SLC24A4: variants seen among roughly 807,000 people sequenced by gnomAD.
SLC24A4 encodes the protein solute carrier family 24 member 4.
In SLC24A4, 53 loss-of-function variants were observed where a neutral mutation model predicts 79.0. That is an observed-to-expected ratio of 0.67 (90% CI 0.54 to 0.84). The LOEUF (loss-of-function observed/expected upper bound fraction) is 0.84. Among genes scored for constraint, SLC24A4 ranks in the 40% least tolerant of loss-of-function variants. The pLI, the probability that SLC24A4 is intolerant of heterozygous loss-of-function variation, is 0.00. For synonymous variants in SLC24A4, 323 were observed against 323.8 expected, an observed-to-expected ratio of 1.00 and a Z score of 0.03; for missense variants, 731 against 822.0, an observed-to-expected ratio of 0.89 and a Z score of 1.35.
Position 92,456,593 on chromosome 14 carries a change from C to T in SLC24A4, c.1240C>T (p.Pro414Ser), listed in dbSNP as rs768431791. ...GCCGGTGGAGGCTGACTTCCTGTCC[C>T]CCTTCTCCGTGCCGGGTGAGTTCTG... ...PEPVEADFLS[P>S]FSVPEARGDK... is the part of the protein sequence containing the mutation. Residue 414 changes from proline (P) to serine (S), a missense_variant, in exon 12 of 17, where the codon CCC (proline) becomes TCC (serine). Transcript: ENST00000532405. 4 of 1,613,420 alleles carry T rather than the reference C, an allele frequency of 2.5e-6. No individual in the cohort carries two copies. Among genetic ancestry groups the T allele is most frequent in the African/African-American group, 2.7e-5 (2 of 74,914 alleles).
intron 14 of SLC24A4, among the ~76,000 whole-genome samples, chr14:92,488,022 C>A (rs1216906529): frequency 6.9e-6 from 1 of 144,076 alleles, no homozygotes; most frequent in Non-Finnish European, 1.5e-5. Flanking sequence ...TTTCCTCCTC[C>A]TCCCCTTCCT....
At chr14:92,455,003 C>CT (rs79633203) in intron 11 of SLC24A4, among the ~76,000 whole-genome samples, 10,371 of 152,178 alleles carry the variant, frequency 0.068, 467 homozygotes, top group East Asian at 0.14. Context: ...TTTATAGTAT[C>CT]TTTTTCATGG....
intron 2 of SLC24A4, among the ~76,000 whole-genome samples, chr14:92,412,911 T>G (rs896585782): frequency 2.0e-5 from 3 of 152,188 alleles, no homozygotes; most frequent in Admixed American, 6.6e-5. Flanking sequence ...TGGACAAAGT[T>G]AAAAAGGAAT....
intron 4 of SLC24A4, among the ~76,000 whole-genome samples, chr14:92,439,658 C>T (rs1320715583): frequency 6.6e-6 from 1 of 152,270 alleles, no homozygotes; most frequent in Non-Finnish European, 1.5e-5. Context: ...CCCAGAACCA[C>T]TGGGTCCACA....
chr14:92,410,343 C>T (rs4904899), intron 2 of SLC24A4, among the ~76,000 whole-genome samples: 78,169 of 151,964 alleles, frequency 0.51, 20,993 homozygotes, highest in East Asian at 0.78. Context: ...CCATGCCTGA[C>T]TAATTTTTAA....
At chr14:92,400,247 A>C (rs112700303) in intron 2 of SLC24A4, among the ~76,000 whole-genome samples, 4 of 151,930 alleles carry the variant, frequency 2.6e-5, no homozygotes, top group Non-Finnish European at 4.4e-5. Context: ...GAGAACATCC[A>C]GGCCAACATG....
chr14:92,477,713 C>G (rs1035738741), intron 12 of SLC24A4, among the ~76,000 whole-genome samples: 6 of 152,170 alleles, frequency 3.9e-5, no homozygotes, highest in African/African-American at 9.6e-5. Context: ...CCTTGGCCTC[C>G]CAAAGTGCAG....
At chr14:92,484,938 C>T (rs1595360005) in intron 13 of SLC24A4, 11 of 951,446 alleles carry the variant, frequency 1.2e-5, no homozygotes, top group African/African-American at 3.5e-5. Flanking sequence ...CTTCTTGTGT[C>T]GAGTTAGTGT....
In SLC24A4 at chr14:92,323,633, GGCC is replaced by G; in HGVS notation, c.-195_-193del. Reference sequence around the variant, plus strand: ...CGCGGCGCGCGGGACTCTGAGCTCCGGCCGCGTCGCGCGTCCCCACCTTCCCAA... The same window carrying G: ...CGCGGCGCGCGGGACTCTGAGCTCCGGCGTCGCGCGTCCCCACCTTCCCAA... On this transcript the variant is annotated 5_prime_UTR_variant, in exon 1 of 17. Coordinates refer to ENST00000532405, the MANE Select transcript of SLC24A4 (RefSeq NM_153646.4). The surrounding 1 kb of genome is among the most constrained non-coding windows in gnomAD (Gnocchi z 4.9). 1 of 545,068 alleles carries G rather than the reference GGCC, an allele frequency of 1.8e-6. No individual in the cohort carries two copies. Among genetic ancestry groups the G allele is most frequent in the East Asian group, 3.6e-5 (1 of 27,748 alleles). 33.8% of individuals were successfully genotyped at this position (545,068 alleles called of 1,614,324 possible). A position where few individuals can be genotyped will look rare whatever the true frequency, so the allele number is the denominator to read the frequency against.
At chr14:92,392,532 C>G (rs1393851341) in intron 2 of SLC24A4, among the ~76,000 whole-genome samples, 1 of 152,034 alleles carries the variant, frequency 6.6e-6, no homozygotes, top group African/African-American at 2.4e-5. Context: ...TAGAATCAGC[C>G]TTGTTTCTGA....
At chr14:92,360,059 T>C (rs1453006259) in intron 2 of SLC24A4, among the ~76,000 whole-genome samples, 11 of 152,084 alleles carry the variant, frequency 7.2e-5, no homozygotes, top group African/African-American at 2.4e-5. Context: ...GCTAAGATTA[T>C]AGGTGTGCAC....
chr14:92,478,656 T>A (rs1425111509), intron 12 of SLC24A4, among the ~76,000 whole-genome samples: 4 of 152,070 alleles, frequency 2.6e-5, no homozygotes, highest in Non-Finnish European at 4.4e-5. Context: ...TTGTTTTGTT[T>A]TTTTTTCCAA....
At chr14:92,456,726 G>A in intron 12 of SLC24A4, 118 bp downstream of exon 12, 1 of 1,034,068 alleles carries the variant, frequency 9.7e-7, no homozygotes, top group Admixed American at 2.2e-5. Context: ...CTGGTGCAAA[G>A]GGTCGATATT....
intron 2 of SLC24A4, among the ~76,000 whole-genome samples, chr14:92,358,424 G>A (rs1595159614): frequency 6.6e-6 from 1 of 152,074 alleles, no homozygotes; most frequent in East Asian, 1.9e-4. Context: ...TGAACTACAC[G>A]CCATCTGTAG....
chr14:92,377,962 C>G (rs1023900348), intron 2 of SLC24A4, among the ~76,000 whole-genome samples: 4 of 150,012 alleles, frequency 2.7e-5, no homozygotes, highest in African/African-American at 9.9e-5. Context: ...CGATGAAGGT[C>G]TGGGGGTGGG....
intron 2 of SLC24A4, among the ~76,000 whole-genome samples, chr14:92,388,500 A>G (rs1029623941): frequency 3.9e-5 from 6 of 152,202 alleles, no homozygotes; most frequent in Admixed American, 3.3e-4. Context: ...GAAGACCCAC[A>G]GGCGTTGACA....
intron 2 of SLC24A4, among the ~76,000 whole-genome samples, chr14:92,399,377 C>CT (rs1263909261): frequency 5.9e-5 from 9 of 152,078 alleles, no homozygotes; most frequent in Admixed American, 2.0e-4. Context: ...TCAGATTTTT[C>CT]TTTTTTTCCA....
rs1206912838 is a variant in SLC24A4, at chr14:92,441,060, GCCCCCACCC to G, written c.394-1027_394-1019del. 6.6e-6 allele frequency among the ~76,000 whole-genome samples: 1 copy of G among 152,100 alleles called. No individual in the cohort carries two copies. The highest frequency in any genetic ancestry group is 1.5e-5 in the Non-Finnish European group (1 of 68,012). On this transcript the variant is annotated intron_variant, in intron 4 of 16. Transcript: ENST00000532405. This position sits in a 1 kb window ranked among gnomAD's most constrained non-coding sequence, Gnocchi z 4.6. Reference sequence around the variant, plus strand: ...CTTCTGCCCTGGAGATCGATGCTGTGCCCCCACCCCAGACTCCGTCAAGCCCAGAGCTCT... The same window carrying G: ...CTTCTGCCCTGGAGATCGATGCTGTGCAGACTCCGTCAAGCCCAGAGCTCT...
chr14:92,480,418 C>T (rs1180242782), intron 12 of SLC24A4, among the ~76,000 whole-genome samples: 14 of 147,456 alleles, frequency 9.5e-5, no homozygotes, highest in Admixed American at 1.4e-4. Flanking sequence ...CTCAGCCTCC[C>T]GAGTAGCTGG....
Sources: gnomAD v4.1 joint callset for allele counts (sites outside exome capture counted in the v4.1 genomes callset) on GRCh38, gnomAD v4.1.1 for gene constraint, Gnocchi (gnomAD v3.1) non-coding constraint, MANE v1.5 for transcripts, NCBI Gene and HGNC (gene_info 2026-07-23, HGNC 2026-07-21) for gene names.